GALNTL6: variants seen among roughly 807,000 people sequenced by gnomAD.
GALNTL6 encodes polypeptide N-acetylgalactosaminyltransferase-like 6.
Under a neutral mutation model 73.7 loss-of-function variants are expected in GALNTL6, and 46 were observed. The ratio of observed to expected loss-of-function variants is 0.62; its 90% CI spans 0.49 to 0.80. The LOEUF is 0.80. GALNTL6 is among the 30% of genes least tolerant of loss of function. GALNTL6 has a pLI of 0.00. For missense variants in GALNTL6, 604 were observed against 755.0 expected (o/e 0.80, Z 2.34); for synonymous variants, 259 against 263.7 (o/e 0.98, Z 0.17).
chr4:171,946,531 T>A (rs1167893197), intron 2 of GALNTL6, among the ~76,000 whole-genome samples: 2 of 152,212 alleles, frequency 1.3e-5, no homozygotes, highest in East Asian at 3.9e-4. Flanking sequence ...AGCTGCGTAT[T>A]GCACAGTAGG....
At chr4:172,492,364 G>T (rs774087874) in intron 5 of GALNTL6, among the ~76,000 whole-genome samples, 27 of 152,056 alleles carry the variant, frequency 1.8e-4, no homozygotes, top group Non-Finnish European at 3.7e-4. Context: ...TCACACTTCT[G>T]TCAGCTTCAA....
At chr4:171,967,708 TTA>T (rs1409346287) in intron 2 of GALNTL6, among the ~76,000 whole-genome samples, 1 of 152,178 alleles carries the variant, frequency 6.6e-6, no homozygotes, top group African/African-American at 2.4e-5. Context: ...TCTTCTAAAT[TTA>T]TACTCATTTC....
intron 5 of GALNTL6, among the ~76,000 whole-genome samples, chr4:172,737,076 G>A (rs1204114053): frequency 2.6e-5 from 4 of 152,144 alleles, no homozygotes; most frequent in African/African-American, 9.7e-5. Context: ...TATAAAAAAG[G>A]ACTAATACTG....
intron 2 of GALNTL6, among the ~76,000 whole-genome samples, chr4:172,072,594 G>A (rs1411455730): frequency 1.3e-5 from 2 of 152,108 alleles, no homozygotes; most frequent in African/African-American, 2.4e-5. Context: ...GTACTGTACT[G>A]TCCACTCCCA....
intron 7 of GALNTL6, among the ~76,000 whole-genome samples, chr4:172,819,257 GCA>G (rs1394339504): frequency 6.6e-6 from 1 of 152,194 alleles, no homozygotes; most frequent in Non-Finnish European, 1.5e-5. Context: ...TTCTTCCAAG[GCA>G]CACAGTGCAG....
intron 2 of GALNTL6, among the ~76,000 whole-genome samples, chr4:171,983,310 G>A (rs1302735590): frequency 6.6e-6 from 1 of 151,916 alleles, no homozygotes; most frequent in Non-Finnish European, 1.5e-5. Context: ...TTCACATGGG[G>A]CTTCCAGAAC....
At chr4:172,459,487 T>G (rs1732531787) in intron 5 of GALNTL6, among the ~76,000 whole-genome samples, 1 of 152,086 alleles carries the variant, frequency 6.6e-6, no homozygotes, top group African/African-American at 2.4e-5. Context: ...CCCAAAATCT[T>G]CTTAAGCTGA....
At chr4:171,936,378 G>C (rs2111005182) in intron 2 of GALNTL6, among the ~76,000 whole-genome samples, 1 of 152,178 alleles carries the variant, frequency 6.6e-6, no homozygotes, top group Admixed American at 6.5e-5. Context: ...TGCTTTAGCT[G>C]TTGATCTGGT....
intron 2 of GALNTL6, among the ~76,000 whole-genome samples, chr4:172,156,540 A>AGTATATATATATGT (rs58197299): frequency 8.0e-6 from 1 of 125,186 alleles, no homozygotes; most frequent in African/African-American, 3.4e-5. Context: ...ATATATATAT[A>AGTATATATATATGT]ATATATATAT....
chr4:172,882,754 CAT>C lies in GALNTL6; in HGVS notation c.924-34_924-33del, dbSNP rs766311263. 7.0e-6 allele frequency: 9 copies of C among 1,279,704 alleles called. 1 individual carries two copies. In the Admixed American group the frequency reaches 1.3e-4, roughly 19 times the overall value. The allele number at this position is 1,279,704 out of a possible 1,614,324, so 79.3% of individuals were successfully genotyped here. On this transcript the variant is annotated intron_variant, in intron 7 of 12. Coordinates refer to ENST00000506823, the MANE Select transcript of GALNTL6 (RefSeq NM_001034845.3). Reference sequence around the variant, plus strand: ...GGAAAATGCCATTGTCTGTAACGTTCATAGTCCTTTAAAGATTATTTTGTTCA... The same window carrying C: ...GGAAAATGCCATTGTCTGTAACGTTCAGTCCTTTAAAGATTATTTTGTTCA...
chr4:172,590,330 A>AC (rs1353950077), intron 5 of GALNTL6, among the ~76,000 whole-genome samples: 1 of 152,082 alleles, frequency 6.6e-6, no homozygotes, highest in Admixed American at 6.6e-5. Flanking sequence ...AACTGGGGGA[A>AC]CCTCAGGAAA....
chr4:171,902,209 A>T (rs1417938772), intron 2 of GALNTL6, among the ~76,000 whole-genome samples: 1 of 152,226 alleles, frequency 6.6e-6, no homozygotes, highest in Non-Finnish European at 1.5e-5. Context: ...TGTGTGAAGT[A>T]AGACAAAGAG....
chr4:171,957,346 T>A, intron 2 of GALNTL6, among the ~76,000 whole-genome samples: 1 of 152,330 alleles, frequency 6.6e-6, no homozygotes, highest in East Asian at 1.9e-4. Flanking sequence ...TAAAAGCATA[T>A]ATTTATAATT....
chr4:171,831,127 G>C (rs191710669), intron 2 of GALNTL6, among the ~76,000 whole-genome samples: 13 of 152,086 alleles, frequency 8.5e-5, no homozygotes, highest in African/African-American at 2.9e-4. Context: ...ACTTCTATTG[G>C]TTTGATTCTC....
At position 172,057,733 on chromosome 4, in the gene GALNTL6, T is replaced by A. The variant is rs868778158; in HGVS notation, c.139-171923T>A. 3.4e-3 allele frequency among the ~76,000 whole-genome samples: 422 copies of A among 124,932 alleles called. 2 individuals are homozygous for A. The highest frequency in any genetic ancestry group is 0.014 in the African/African-American group (391 of 28,064). 82.0% of individuals were successfully genotyped at this position (124,932 alleles called of 152,430 possible). A position where few individuals can be genotyped will look rare whatever the true frequency, so the allele number is the denominator to read the frequency against. ...AAAAAAAAAAAAAAAAAAAAATATATATATATATATATATATATATATATA... is the reference window on the plus strand; with the variant it reads ...AAAAAAAAAAAAAAAAAAAAATATAAATATATATATATATATATATATATA... On this transcript the variant is annotated intron_variant, in intron 2 of 12. Coordinates refer to ENST00000506823, the MANE Select transcript of GALNTL6 (RefSeq NM_001034845.3).
chr4:172,682,914 C>T (rs977072160), intron 5 of GALNTL6, among the ~76,000 whole-genome samples: 2 of 64,626 alleles, frequency 3.1e-5, no homozygotes, highest in Admixed American at 2.1e-4. Flanking sequence ...AAGAGGTTTA[C>T]GTTTATTATA....
At chr4:172,463,197 T>G (rs536093492) in intron 5 of GALNTL6, among the ~76,000 whole-genome samples, 1 of 151,926 alleles carries the variant, frequency 6.6e-6, no homozygotes, top group South Asian at 2.1e-4. Flanking sequence ...AAAATAAATA[T>G]AAAATATATC....
chr4:171,853,946 T>G (rs1735607363), intron 2 of GALNTL6, among the ~76,000 whole-genome samples: 1 of 152,126 alleles, frequency 6.6e-6, no homozygotes, highest in Non-Finnish European at 1.5e-5. Flanking sequence ...TTCTTTCTTT[T>G]CATTTTTCCC....
chr4:171,952,275 G>GCC (rs1323294135), intron 2 of GALNTL6, among the ~76,000 whole-genome samples: 1 of 151,770 alleles, frequency 6.6e-6, no homozygotes, highest in African/African-American at 2.4e-5. Context: ...AATAGAAACG[G>GCC]CCCCATAAGC....
Sources: gnomAD v4.1 joint callset for allele counts (sites outside exome capture counted in the v4.1 genomes callset) on GRCh38, gnomAD v4.1.1 for gene constraint, MANE v1.5 for transcripts, NCBI Gene and HGNC (gene_info 2026-07-23, HGNC 2026-07-21) for gene names.